MAML3: variants seen among roughly 807,000 people sequenced by gnomAD.
The protein encoded by MAML3 is mastermind like transcriptional coactivator 3, also known as mastermind-like protein 3.
MAML3 carries 27 observed loss-of-function variants against 101.9 expected under a neutral mutation model. The ratio of observed to expected loss-of-function variants is 0.27; its 90% CI spans 0.20 to 0.37. MAML3 has a LOEUF of 0.37. Among genes scored for constraint, MAML3 ranks in the 10% least tolerant of loss-of-function variants. The pLI, the probability that MAML3 is intolerant of heterozygous loss-of-function variation, is 1.00. For synonymous variants in MAML3, 501 were observed against 555.9 expected (o/e 0.90, Z 1.39); for missense variants, 1,316 against 1,444.9 (o/e 0.91, Z 1.45).
intron 1 of MAML3, among the ~76,000 whole-genome samples, chr4:140,142,299 CTG>C (rs1728990901): frequency 6.6e-6 from 1 of 152,156 alleles, no homozygotes; most frequent in Non-Finnish European, 1.5e-5. Flanking sequence ...AGATTCCAGA[CTG>C]TAGCTACTTC....
chr4:139,804,411 T>G (rs1228695286), intron 2 of MAML3, among the ~76,000 whole-genome samples: 3 of 151,910 alleles, frequency 2.0e-5, no homozygotes, highest in Admixed American at 6.6e-5. Context: ...AGATTACAGG[T>G]GCCCGCCACC....
intron 1 of MAML3, among the ~76,000 whole-genome samples, chr4:140,057,104 C>T (rs1048937848): frequency 3.7e-4 from 56 of 152,278 alleles, no homozygotes; most frequent in Admixed American, 3.4e-3. Flanking sequence ...GCAAGACCCC[C>T]GTCTCTACGA....
intron 1 of MAML3, among the ~76,000 whole-genome samples, chr4:139,940,749 T>C (rs899124380): frequency 1.3e-5 from 2 of 152,098 alleles, no homozygotes; most frequent in Non-Finnish European, 2.9e-5. Flanking sequence ...CCATTACTTA[T>C]CCCTCTTCAC....
chr4:139,938,727 T>C (rs1733549689), intron 1 of MAML3, among the ~76,000 whole-genome samples: 1 of 152,186 alleles, frequency 6.6e-6, no homozygotes, highest in South Asian at 2.1e-4. Context: ...TTCAAGTCAA[T>C]GGAGGCCACT....
At chr4:139,778,641 T>C (rs529441765) in intron 2 of MAML3, among the ~76,000 whole-genome samples, 38 of 152,350 alleles carry the variant, frequency 2.5e-4, no homozygotes, top group African/African-American at 8.7e-4. Context: ...TCTCTAGCAC[T>C]ACCTCCATAA....
At chr4:139,749,743 T>C (rs552737313) in intron 2 of MAML3, among the ~76,000 whole-genome samples, 61 of 152,180 alleles carry the variant, frequency 4.0e-4, no homozygotes, top group African/African-American at 1.4e-3. Flanking sequence ...TCAAGTGTGG[T>C]ACCAAACAGG....
At chr4:140,126,804 A>G (rs1307069460) in intron 1 of MAML3, among the ~76,000 whole-genome samples, 1 of 152,092 alleles carries the variant, frequency 6.6e-6, no homozygotes, top group Non-Finnish European at 1.5e-5. Flanking sequence ...CAAAACCTAA[A>G]TTGGCTAGTA....
chr4:140,020,162 A>G (rs1325577354), intron 1 of MAML3, among the ~76,000 whole-genome samples: 1 of 152,146 alleles, frequency 6.6e-6, no homozygotes, highest in Non-Finnish European at 1.5e-5. Flanking sequence ...TACAATGGTC[A>G]TTACCTGCCC....
intron 1 of MAML3, among the ~76,000 whole-genome samples, chr4:140,135,720 T>C (rs1364728456): frequency 6.6e-6 from 1 of 152,176 alleles, no homozygotes; most frequent in Non-Finnish European, 1.5e-5. Flanking sequence ...ACAACTGGCT[T>C]GCCATGGCAC....
At chr4:139,815,890 C>T (rs1188282680) in intron 2 of MAML3, among the ~76,000 whole-genome samples, 2 of 151,990 alleles carry the variant, frequency 1.3e-5, no homozygotes, top group Admixed American at 1.3e-4. Flanking sequence ...ACAATACGGA[C>T]GACGATGAGC....
At chr4:139,934,155 TATGA>T (rs1733460264) in intron 1 of MAML3, among the ~76,000 whole-genome samples, 1 of 151,988 alleles carries the variant, frequency 6.6e-6, no homozygotes, top group South Asian at 2.1e-4. Flanking sequence ...TGAATGTGTT[TATGA>T]ATATTTGTGA....
intron 2 of MAML3, among the ~76,000 whole-genome samples, chr4:139,770,505 A>C: frequency 6.6e-6 from 1 of 152,168 alleles, no homozygotes; most frequent in African/African-American, 2.4e-5. Flanking sequence ...CAGGATCCTA[A>C]GGGAGTTGGT....
At chr4:139,769,064 C>G (rs141863255) in intron 2 of MAML3, among the ~76,000 whole-genome samples, 1,576 of 152,244 alleles carry the variant, frequency 0.01, 15 homozygotes, top group Middle Eastern at 0.024. Context: ...AGTCCCAGTC[C>G]TTTTCCAAAG....
intron 2 of MAML3, among the ~76,000 whole-genome samples, chr4:139,837,512 CA>C (rs1433364987): frequency 6.6e-6 from 1 of 151,658 alleles, no homozygotes; most frequent in Non-Finnish European, 1.5e-5. Context: ...ACCAAACAAA[CA>C]AACACACAAA....
chr4:140,001,063 C>T (rs1341075963), intron 1 of MAML3, among the ~76,000 whole-genome samples: 1 of 152,050 alleles, frequency 6.6e-6, no homozygotes, highest in Non-Finnish European at 1.5e-5. Context: ...AAAGATTTGG[C>T]CTTTTTTTGC....
chr4:140,012,534 A>G (rs1726579112), intron 1 of MAML3, among the ~76,000 whole-genome samples: 1 of 152,234 alleles, frequency 6.6e-6, no homozygotes, highest in African/African-American at 2.4e-5. Flanking sequence ...GTATTTCTAA[A>G]GTGACCACCA....
intron 1 of MAML3, among the ~76,000 whole-genome samples, chr4:140,094,098 G>A (rs1490589589): frequency 6.6e-6 from 1 of 152,190 alleles, no homozygotes; most frequent in Non-Finnish European, 1.5e-5. Context: ...TGCCAGGCCT[G>A]ATGACGTAAC....
At chr4:140,034,710 T>C (rs1578652471) in intron 1 of MAML3, among the ~76,000 whole-genome samples, 1 of 152,232 alleles carries the variant, frequency 6.6e-6, no homozygotes, top group East Asian at 1.9e-4. Flanking sequence ...AGTATTCAAC[T>C]ATTCAGTAGC....
intron 2 of MAML3, among the ~76,000 whole-genome samples, chr4:139,863,839 T>TTTTTTTTTTG (rs1731837812): frequency 2.9e-5 from 1 of 34,874 alleles, no homozygotes; most frequent in Non-Finnish European, 5.4e-5. Flanking sequence ...TGGGTTTTTT[T>TTTTTTTTTTG]TTTTTTTTTT....
Sources: gnomAD v4.1 joint callset for allele counts (sites outside exome capture counted in the v4.1 genomes callset) on GRCh38, gnomAD v4.1.1 for gene constraint, MANE v1.5 for transcripts, NCBI Gene and HGNC (gene_info 2026-07-23, HGNC 2026-07-21) for gene names.